The following YPEL4 variants were observed in gnomAD, a reference collection of about 807,000 sequenced individuals.
YPEL4 encodes the protein protein yippee-like 4.
In YPEL4, 5 loss-of-function variants were observed where a neutral mutation model predicts 16.3. That is an observed-to-expected ratio of 0.31 (90% CI 0.16 to 0.64). The LOEUF is 0.64. YPEL4 is among the 30% of genes least tolerant of loss of function. The pLI, the probability that YPEL4 is intolerant of heterozygous loss-of-function variation, is 0.79. For synonymous variants in YPEL4, 61 were observed against 60.7 expected, an observed-to-expected ratio of 1.00 and a Z score of -0.02; for missense variants, 127 against 170.0, an observed-to-expected ratio of 0.75 and a Z score of 1.41.
chr11:57,646,921 C>A, intron 2 of YPEL4, 46 bp downstream of exon 2: 1 of 1,572,904 alleles, frequency 6.4e-7, no homozygotes, highest in Non-Finnish European at 8.6e-7. Context: ...TTCAGGCTAG[C>A]CTGGTGCGCG....
chr11:57,649,054 G>A (rs971993058), intron 1 of YPEL4: 1 of 152,244 alleles, frequency 6.6e-6, no homozygotes, highest in Non-Finnish European at 1.5e-5. Context: ...GGGAGTAGGG[G>A]TCATTTTTTC....
intron 3 of YPEL4, 98 bp downstream of exon 3, chr11:57,646,653 A>C (rs1945733688): frequency 2.6e-6 from 4 of 1,538,862 alleles, no homozygotes; most frequent in Non-Finnish European, 3.5e-6. Flanking sequence ...GACTGAAGGC[A>C]CAAGATCACC....
At chr11:57,646,476 A>G (rs925545371) in intron 3 of YPEL4, 71 bp from the exon 4 acceptor site, 1 of 1,561,866 alleles carries the variant, frequency 6.4e-7, no homozygotes, top group Non-Finnish European at 8.8e-7. Context: ...CAGACAGCCC[A>G]AGGGAACTTC....
chr11:57,645,730 C>G lies in YPEL4; in HGVS notation c.*251G>C, dbSNP rs908467694. ...AGGATCTTGGGAACAGAAAGACCCA[C>G]AACCATCCCTTTCCCCCAGTTCTGT... On this transcript the variant is annotated 3_prime_UTR_variant, in exon 5 of 5. Transcript: ENST00000300022. The G allele has an allele frequency of 3.9e-6, 2 of 515,812 alleles. No homozygotes were observed. Among genetic ancestry groups the G allele is most frequent in the Non-Finnish European group, 6.9e-6 (2 of 289,386 alleles). The allele number at this position is 515,812 out of a possible 1,614,324, so 32.0% of individuals were successfully genotyped here. A position where few individuals can be genotyped will look rare whatever the true frequency, so the allele number is the denominator to read the frequency against.
In YPEL4 at chr11:57,646,808, GGACA is replaced by G; in HGVS notation, c.142-18_142-15del. On this transcript the variant is annotated splice_polypyrimidine_tract_variant and intron_variant, in intron 2 of 4. Transcript: ENST00000300022. ...CCCTTGGAAGGACTGTGGAGACATAGGACAGACAATGACTACCAAGCAGCCTTCA... is the reference window on the plus strand; with the variant it reads ...CCCTTGGAAGGACTGTGGAGACATAGGACAATGACTACCAAGCAGCCTTCA... 1 of 1,613,830 alleles carries G rather than the reference GGACA, an allele frequency of 6.2e-7. No individual in the cohort carries two copies. Among genetic ancestry groups the G allele is most frequent in the Non-Finnish European group, 8.5e-7 (1 of 1,179,922 alleles).
At chr11:57,646,626 G>T in intron 3 of YPEL4, 125 bp downstream of exon 3, 1 of 1,423,960 alleles carries the variant, frequency 7.0e-7, no homozygotes, top group Non-Finnish European at 9.7e-7. Flanking sequence ...GACCCTCTTT[G>T]CAAAAGGGGA....
chr11:57,645,991 C>T lies in YPEL4; in HGVS notation c.374G>A (p.Gly125Asp). 1.9e-6 allele frequency: 3 copies of T among 1,614,118 alleles called. No homozygotes were observed. Among genetic ancestry groups the T allele is most frequent in the Non-Finnish European group, 2.5e-6 (3 of 1,180,026 alleles). Residue 125 changes from glycine to aspartate, a missense_variant, in exon 5 of 5, where the codon GGC becomes GAC. Physicochemically the swap from Gly to Asp is moderately conservative, Grantham distance 94. Transcript: ENST00000300022. ...IEMSHMVKDN[G>D]WD ...CCCTGCCTGAGCCCCTCAGTCCCAG[C>T]CGTTGTCCTTCACCATGTGTGACAT... is the stretch of plus-strand genomic sequence containing the variant.
rs1223682755 is a variant in YPEL4, at chr11:57,645,504, A to G, written c.*477T>C. 1.3e-5 allele frequency: 2 copies of G among 158,854 alleles called. No homozygotes were observed. Among genetic ancestry groups the G allele is most frequent in the Admixed American group, 5.9e-5 (1 of 17,024 alleles). 9.8% of individuals were successfully genotyped at this position (158,854 alleles called of 1,614,324 possible). A position where few individuals can be genotyped will look rare whatever the true frequency, so the allele number is the denominator to read the frequency against. Reference sequence around the variant, plus strand: ...TAGGGGTAGGAAACTTCATCCTCAGAGACTCTGGTCTCCTGGTGTCTGAGA... The same window carrying G: ...TAGGGGTAGGAAACTTCATCCTCAGGGACTCTGGTCTCCTGGTGTCTGAGA... On this transcript the variant is annotated 3_prime_UTR_variant, in exon 5 of 5. Coordinates refer to ENST00000300022, the MANE Select transcript of YPEL4 (RefSeq NM_145008.3).
In YPEL4 at chr11:57,646,352, T is replaced by C; in HGVS notation, c.239A>G (p.His80Arg). Residue 80 changes from histidine (H) to arginine (R), a missense_variant, in exon 4 of 5, where the codon CAC becomes CGC. Transcript: ENST00000300022. ...CTCACAGAAAATGTCAGCTACCGAG[T>C]GGAGCCCCGTGAGCAAGAGGCGCTG... ...AEQRLLLTGL[H>R]SVADIFCESC... The C allele has an allele frequency of 1.9e-6, 3 of 1,614,026 alleles. No homozygotes were observed. Among genetic ancestry groups the C allele is most frequent in the Non-Finnish European group, 2.5e-6 (3 of 1,180,008 alleles).
At chr11:57,646,605 C>T in intron 3 of YPEL4, 146 bp downstream of exon 3, 1 of 1,324,676 alleles carries the variant, frequency 7.5e-7, no homozygotes, top group East Asian at 2.5e-5. Flanking sequence ...CATGTGAGAA[C>T]TTCAGATTGA....
chr11:57,647,251 A>T lies in YPEL4; in HGVS notation c.-144T>A, dbSNP rs538018547. 20 of 1,153,686 alleles carry T rather than the reference A, an allele frequency of 1.7e-5. No homozygotes were observed. The South Asian group carries it at 3.8e-4, about 22-fold the overall frequency. The allele number at this position is 1,153,686 out of a possible 1,614,324, so 71.5% of individuals were successfully genotyped here. On this transcript the variant is annotated 5_prime_UTR_variant, in exon 2 of 5. Transcript: ENST00000300022. The surrounding 1 kb of genome is among the most constrained non-coding windows in gnomAD (Gnocchi z 4.2). ...AGAAGTGTTGGGGGGCTGCCCGGCC[A>T]GGGCCCCCCCAGACGAGAACCAGAT...
Position 57,647,095 on chromosome 11 carries a change from C to T in YPEL4, c.13G>A (p.Asp5Asn), listed in dbSNP as rs1449446900. MPSC[D>N]PGPGPACLPT... is the part of the protein sequence containing the mutation. Reference sequence around the variant, plus strand: ...AGGCAGGCAGGGCCCGGACCGGGGTCACAGCTGGGCATGACGGGCTGGAGG... The same window carrying T: ...AGGCAGGCAGGGCCCGGACCGGGGTTACAGCTGGGCATGACGGGCTGGAGG... Residue 5 changes from aspartate (D) to asparagine (N), a missense_variant, in exon 2 of 5, where the codon GAC (aspartate) becomes AAC (asparagine). Physicochemically the swap from Asp to Asn is conservative, Grantham distance 23 (BLOSUM62 1). Coordinates refer to ENST00000300022, the MANE Select transcript of YPEL4 (RefSeq NM_145008.3). The surrounding 1 kb of genome is among the most constrained non-coding windows in gnomAD (Gnocchi z 4.2). 1 of 1,580,750 alleles carries T rather than the reference C, an allele frequency of 6.3e-7. No homozygotes were observed. Among genetic ancestry groups the T allele is most frequent in the African/African-American group, 1.3e-5 (1 of 74,120 alleles).
At position 57,646,363 on chromosome 11, in the gene YPEL4, G is replaced by A; in HGVS notation, c.228C>T (p.Leu76=). 6.2e-7 allele frequency: 1 copy of A among 1,614,168 alleles called. No homozygotes were observed. Among genetic ancestry groups the A allele is most frequent in the Non-Finnish European group, 8.5e-7 (1 of 1,180,032 alleles). The part of the protein sequence containing the change: ...GCGPAEQRLL[L]TGLHSVADIF... ...TGTCAGCTACCGAGTGGAGCCCCGT[G>A]AGCAAGAGGCGCTGTTCAGCTGGCC... is the stretch of plus-strand genomic sequence containing the variant. Residue 76 remains leucine (L), a synonymous_variant, in exon 4 of 5, where the codon CTC becomes CTT. Transcript: ENST00000300022.
rs1590841948 is a variant in YPEL4, at chr11:57,646,898, C to T, written c.141+69G>A. 1.3e-5 allele frequency: 20 copies of T among 1,585,352 alleles called. No homozygotes were observed. The East Asian group carries it at 4.3e-4, about 34-fold the overall frequency. On this transcript the variant is annotated intron_variant, in intron 2 of 4. Coordinates refer to ENST00000300022, the MANE Select transcript of YPEL4 (RefSeq NM_145008.3). Reference sequence around the variant, plus strand: ...AGAGAGGAAGAGCTTTGCTGCCTCACCCCTGGGTGATGTTCAGGCTAGCCT... The same window carrying T: ...AGAGAGGAAGAGCTTTGCTGCCTCATCCCTGGGTGATGTTCAGGCTAGCCT...
intron 4 of YPEL4, 46 bp downstream of exon 4, chr11:57,646,251 T>C: frequency 6.2e-7 from 1 of 1,607,582 alleles, no homozygotes; most frequent in South Asian, 1.1e-5. Flanking sequence ...TGAAGGGCCA[T>C]GGGGACTGCC....
chr11:57,647,029 G>T lies in YPEL4; in HGVS notation c.79C>A (p.Arg27Ser). 6.3e-7 allele frequency: 1 copy of T among 1,598,558 alleles called. No individual in the cohort carries two copies. The change falls in exon 2 of 5, where the codon CGC becomes AGC. Residue 27 changes from arginine (R) to serine (S), a missense_variant. Coordinates refer to ENST00000300022, the MANE Select transcript of YPEL4 (RefSeq NM_145008.3). This position sits in a 1 kb window ranked among gnomAD's most constrained non-coding sequence, Gnocchi z 4.2. ...TFRSYLPRCH[R>S]TYSCVHCRAH... ...CGGCAGTGGACACAGCTGTAAGTGCGGTGACAGCGGGGCAGATAGCTGCGG... is the reference window on the plus strand; with the variant it reads ...CGGCAGTGGACACAGCTGTAAGTGCTGTGACAGCGGGGCAGATAGCTGCGG...
chr11:57,646,595 C>T (rs1281557639), intron 3 of YPEL4, 156 bp downstream of exon 3: 1 of 1,268,440 alleles, frequency 7.9e-7, no homozygotes, highest in Admixed American at 2.1e-5. Context: ...CCCGGCTCCC[C>T]ATGTGAGAAC....
Position 57,647,845 on chromosome 11 carries a change from C to T in YPEL4, c.-184-554G>A, listed in dbSNP as rs1400191367. On this transcript the variant is annotated intron_variant, in intron 1 of 4. Coordinates refer to ENST00000300022, the MANE Select transcript of YPEL4 (RefSeq NM_145008.3). This position sits in a 1 kb window ranked among gnomAD's most constrained non-coding sequence, Gnocchi z 4.2. Reference sequence around the variant, plus strand: ...ATACAAACCCTGATTCGGTTCTCTCCTGAGGTCAGGGTCCTGTGCTCTGGG... The same window carrying T: ...ATACAAACCCTGATTCGGTTCTCTCTTGAGGTCAGGGTCCTGTGCTCTGGG... 6.6e-6 allele frequency: 1 copy of T among 152,250 alleles called. No individual in the cohort carries two copies. Among genetic ancestry groups the T allele is most frequent in the Admixed American group, 6.5e-5 (1 of 15,280 alleles). 9.4% of individuals were successfully genotyped at this position (152,250 alleles called of 1,614,324 possible). A position where few individuals can be genotyped will look rare whatever the true frequency, so the allele number is the denominator to read the frequency against.
chr11:57,646,041 G>A lies in YPEL4; in HGVS notation c.324C>T (p.Tyr108=), dbSNP rs187613939. ...YEQAFETSQK[Y]KEGKYIIEMS... ...TTTCAATGATGTATTTCCCTTCCTT[G>A]TACTTCTGGCTCGTCTCAAAAGCTT... The change falls in exon 5 of 5, where the codon TAC becomes TAT. Residue 108 remains tyrosine, a synonymous_variant. Coordinates refer to ENST00000300022, the MANE Select transcript of YPEL4 (RefSeq NM_145008.3). The A allele has an allele frequency of 1.9e-6, 3 of 1,614,138 alleles. No individual in the cohort carries two copies. The East Asian group carries it at 6.7e-5, about 36-fold the overall frequency.
Sources: allele counts gnomAD v4.1 joint callset, GRCh38; gene constraint gnomAD v4.1.1; non-coding constraint Gnocchi (gnomAD v3.1); transcripts MANE v1.5; gene names NCBI Gene and HGNC (gene_info 2026-07-23, HGNC 2026-07-21).